The following INPP5A variants were observed in gnomAD, a reference collection of about 807,000 sequenced individuals.
The protein encoded by INPP5A is 43 kDa inositol polyphosphate 5-phophatase.
A neutral mutation model predicts 65.2 loss-of-function variants in INPP5A; 14 were observed. The observed-to-expected ratio is 0.21, with a 90% confidence interval of 0.14 to 0.34. INPP5A has a LOEUF of 0.34. Among genes scored for constraint, INPP5A ranks in the 10% least tolerant of loss-of-function variants. The probability of loss-of-function intolerance (pLI) is 1.00; values close to 1 mark genes in which losing one functional copy is unlikely to be tolerated. For synonymous variants in INPP5A, 207 were observed against 208.3 expected (o/e 0.99, Z 0.05); for missense variants, 431 against 545.6 (o/e 0.79, Z 2.09).
At chr10:132,657,053 T>C (rs1289030763) in intron 4 of INPP5A, among the ~76,000 whole-genome samples, 1 of 152,188 alleles carries the variant, frequency 6.6e-6, no homozygotes, top group Non-Finnish European at 1.5e-5. Flanking sequence ...GAGCTCCTTG[T>C]GTAGGAGACC....
chr10:132,650,272 C>T lies in INPP5A; in HGVS notation c.219-146C>T. 1 of 644,382 alleles carries T rather than the reference C, an allele frequency of 1.6e-6. No individual in the cohort carries two copies. Among genetic ancestry groups the T allele is most frequent in the South Asian group, 1.7e-5 (1 of 58,092 alleles). The allele number at this position is 644,382 out of a possible 1,614,324, so 39.9% of individuals were successfully genotyped here. A position where few individuals can be genotyped will look rare whatever the true frequency, so the allele number is the denominator to read the frequency against. ...GGCCAGCTCCTGCGGTGGCTGCCGCCATTCCCTGCCCTCTGCCTGTCACGG... is the reference window on the plus strand; with the variant it reads ...GGCCAGCTCCTGCGGTGGCTGCCGCTATTCCCTGCCCTCTGCCTGTCACGG... On this transcript the variant is annotated intron_variant, in intron 3 of 15. Coordinates refer to ENST00000368594, the MANE Select transcript of INPP5A (RefSeq NM_005539.5). This position sits in a 1 kb window ranked among gnomAD's most constrained non-coding sequence, Gnocchi z 5.5.
chr10:132,542,156 G>T (rs954449801), intron 1 of INPP5A, among the ~76,000 whole-genome samples: 3 of 152,264 alleles, frequency 2.0e-5, no homozygotes, highest in Non-Finnish European at 2.9e-5. Flanking sequence ...CCGCTGGCGG[G>T]TATCTGCCTG....
rs565759464 is a variant in INPP5A, at chr10:132,706,605, C to T, written c.475-1708C>T. On this transcript the variant is annotated intron_variant, in intron 6 of 15. Transcript: ENST00000368594. The surrounding 1 kb of genome is among the most constrained non-coding windows in gnomAD (Gnocchi z 4.7). ...AAGGGTTGGCTGGCTTCAGCATCAC[C>T]CCCACCAGTGTGTGGGGCTTGGAAT... is the stretch of plus-strand genomic sequence containing the variant. Among the ~76,000 whole-genome samples the T allele has an allele frequency of 1.3e-5, 2 of 152,292 alleles. No homozygotes were observed. The highest frequency in any genetic ancestry group is 2.1e-4 in the South Asian group (1 of 4,820).
At chr10:132,559,544 G>A (rs1290072302) in intron 1 of INPP5A, among the ~76,000 whole-genome samples, 1 of 152,206 alleles carries the variant, frequency 6.6e-6, no homozygotes, top group African/African-American at 2.4e-5. Flanking sequence ...CTGTCTCTGT[G>A]GATTGACCTG....
rs1477466615 is a variant in INPP5A at position 132,663,358 on chromosome 10, G to A, written c.306+12853G>A. Among the ~76,000 whole-genome samples the A allele has an allele frequency of 6.6e-6, 1 of 151,934 alleles. No individual in the cohort carries two copies. Among genetic ancestry groups the A allele is most frequent in the Non-Finnish European group, 1.5e-5 (1 of 68,002 alleles). ...GGCCTCAGCCTCCCAAGTAGCTGAG[G>A]ATACAGGTGTGCATCACCACGCCTG... is the stretch of plus-strand genomic sequence containing the variant. On this transcript the variant is annotated intron_variant, in intron 4 of 15. Transcript: ENST00000368594. The surrounding 1 kb of genome is among the most constrained non-coding windows in gnomAD (Gnocchi z 4.5).
chr10:132,605,384 G>C (rs1189228932), intron 1 of INPP5A, among the ~76,000 whole-genome samples: 1 of 142,298 alleles, frequency 7.0e-6, no homozygotes, highest in African/African-American at 2.7e-5. Context: ...CTGGGGGATG[G>C]GGAAGGGACA....
chr10:132,551,159 C>T lies in INPP5A; in HGVS notation c.75+12988C>T, dbSNP rs965971581. On this transcript the variant is annotated intron_variant, in intron 1 of 15. Transcript: ENST00000368594. The surrounding 1 kb of genome is among the most constrained non-coding windows in gnomAD (Gnocchi z 5.3). ...GTGGAGCCTTATCCCTGAGCACCCT[C>T]CCTTGCCTACCTTTCAGGCTTCTGA... 3.9e-5 allele frequency among the ~76,000 whole-genome samples: 6 copies of T among 152,212 alleles called. No individual in the cohort carries two copies. Among genetic ancestry groups the T allele is most frequent in the Admixed American group, 2.0e-4 (3 of 15,280 alleles).
chr10:132,643,254 A>G lies in INPP5A; in HGVS notation c.118-2614A>G, dbSNP rs78672598. On this transcript the variant is annotated intron_variant, in intron 2 of 15. Coordinates refer to ENST00000368594, the MANE Select transcript of INPP5A (RefSeq NM_005539.5). ...CACAAAATAAACCTAAACACATCCA[A>G]GTTATCACTGAATATTGTACTACTG... Among the ~76,000 whole-genome samples the G allele has an allele frequency of 7.5e-4, 114 of 152,340 alleles. 2 individuals carry two copies. The East Asian group carries it at 0.021, about 28-fold the overall frequency.
At chr10:132,548,792 CTTTTTTTTTT>C (rs71013535) in intron 1 of INPP5A, among the ~76,000 whole-genome samples, 16 of 79,316 alleles carry the variant, frequency 2.0e-4, no homozygotes, top group African/African-American at 7.9e-4. Context: ...GTTTATCTGG[CTTTTTTTTTT>C]TTTTTTTTTT....
At chr10:132,764,998 G>T (rs1440504563) in intron 11 of INPP5A, among the ~76,000 whole-genome samples, 3 of 135,962 alleles carry the variant, frequency 2.2e-5, no homozygotes, top group South Asian at 2.3e-4. Context: ...TGTGCGTGGT[G>T]ACACTCAGGA....
At position 132,616,732 on chromosome 10, in the gene INPP5A, A is replaced by G. The variant is rs993252539; in HGVS notation, c.117+8776A>G. ...GATGCAGTGTGGGGGACATGGTGAC[A>G]TGGCGATGTGTCATGTGGTGATGGG... On this transcript the variant is annotated intron_variant, in intron 2 of 15. Transcript: ENST00000368594. The surrounding 1 kb of genome is among the most constrained non-coding windows in gnomAD (Gnocchi z 4.9). Among the ~76,000 whole-genome samples the G allele has an allele frequency of 1.3e-5, 2 of 149,324 alleles. No homozygotes were observed. The highest frequency in any genetic ancestry group is 2.2e-4 in the South Asian group (1 of 4,648).
chr10:132,730,191 G>A (rs913194), intron 9 of INPP5A, among the ~76,000 whole-genome samples: 57,555 of 151,836 alleles, frequency 0.38, 11,319 homozygotes, highest in African/African-American at 0.48. Context: ...CAGCCCCTGC[G>A]GGGCCCTCCC....
chr10:132,646,479 G>A (rs527546299), intron 3 of INPP5A, among the ~76,000 whole-genome samples: 5 of 152,264 alleles, frequency 3.3e-5, no homozygotes, highest in South Asian at 2.1e-4. Flanking sequence ...GGGGGCGCCC[G>A]GACCTGGGGC....
Position 132,674,251 on chromosome 10 carries a change from C to T in INPP5A, c.307-16141C>T, listed in dbSNP as rs1013463989. 6.6e-6 allele frequency among the ~76,000 whole-genome samples: 1 copy of T among 152,226 alleles called. No homozygotes were observed. The highest frequency in any genetic ancestry group is 1.5e-5 in the Non-Finnish European group (1 of 68,042). On this transcript the variant is annotated intron_variant, in intron 4 of 15. Coordinates refer to ENST00000368594, the MANE Select transcript of INPP5A (RefSeq NM_005539.5). This position sits in a 1 kb window ranked among gnomAD's most constrained non-coding sequence, Gnocchi z 4.4. ...AATCATGCTTCTTCCAAGTCCCTGACCATCCAGCCAAACCATTGGCTACGG... is the reference window on the plus strand; with the variant it reads ...AATCATGCTTCTTCCAAGTCCCTGATCATCCAGCCAAACCATTGGCTACGG...
At position 132,637,169 on chromosome 10, in the gene INPP5A, TGCCTCG is replaced by T. The variant is rs2072364937; in HGVS notation, c.118-8693_118-8688del. Among the ~76,000 whole-genome samples the T allele has an allele frequency of 1.3e-5, 2 of 152,186 alleles. No homozygotes were observed. Among genetic ancestry groups the T allele is most frequent in the South Asian group, 4.1e-4 (2 of 4,834 alleles). On this transcript the variant is annotated intron_variant, in intron 2 of 15. Transcript: ENST00000368594. The surrounding 1 kb of genome is among the most constrained non-coding windows in gnomAD (Gnocchi z 4.1). ...CTGACCTTGTGGTTGATCCGCCCGC[TGCCTCG>T]GCCTCCCAAAGTGGTGGGATTACAG...
At chr10:132,623,555 T>G (rs1353285562) in intron 2 of INPP5A, among the ~76,000 whole-genome samples, 1 of 152,102 alleles carries the variant, frequency 6.6e-6, no homozygotes, top group East Asian at 1.9e-4. Flanking sequence ...AGAAGGAAAC[T>G]TAAGAGAAAA....
intron 2 of INPP5A, among the ~76,000 whole-genome samples, chr10:132,635,686 C>T (rs548545561): frequency 3.3e-5 from 5 of 151,924 alleles, no homozygotes; most frequent in South Asian, 2.1e-4. Flanking sequence ...TGAGCCATTG[C>T]GCCCGGCCCT....
intron 1 of INPP5A, among the ~76,000 whole-genome samples, chr10:132,583,758 C>T (rs945788882): frequency 6.6e-6 from 1 of 152,136 alleles, no homozygotes; most frequent in African/African-American, 2.4e-5. Context: ...CTGGGCTAAC[C>T]CCTACTTGGT....
At chr10:132,557,485 A>G (rs953108620) in intron 1 of INPP5A, among the ~76,000 whole-genome samples, 6 of 152,268 alleles carry the variant, frequency 3.9e-5, no homozygotes, top group Non-Finnish European at 7.3e-5. Flanking sequence ...CGTAGAAATC[A>G]GAAGAAAATG....
Sources: allele counts gnomAD v4.1 joint callset (sites outside exome capture counted in the v4.1 genomes callset), GRCh38; gene constraint gnomAD v4.1.1; non-coding constraint Gnocchi (gnomAD v3.1); transcripts MANE v1.5; gene names NCBI Gene and HGNC (gene_info 2026-07-23, HGNC 2026-07-21).